Variants in TTLL8 observed in about 807,000 individuals in gnomAD.
TTLL8 encodes tubulin tyrosine ligase like 8.
In TTLL8, 65 loss-of-function variants were observed where a neutral mutation model predicts 77.8. That is an observed-to-expected ratio of 0.84 (90% CI 0.68 to 1.03). TTLL8 has a LOEUF of 1.03. Ranked by LOEUF, TTLL8 falls within the 50% of genes least tolerant of loss-of-function variation. The pLI is 0.00. For synonymous variants in TTLL8, 402 were observed against 422.8 expected (o/e 0.95, Z 0.60); for missense variants, 910 against 1,004.5 (o/e 0.91, Z 1.27).
At chr22:50,056,335 A>G (rs2061470535), upstream of TTLL8, among the ~76,000 whole-genome samples, 1 of 151,764 alleles carries the variant, frequency 6.6e-6, no homozygotes, top group Non-Finnish European at 1.5e-5. The surrounding 1 kb of genome is among the most constrained non-coding windows in gnomAD (Gnocchi z 4.1). Context: ...GCTGTCTGGA[A>G]ATGCAAATTA....
chr22:50,030,217 C>A (rs930211185), intron 12 of TTLL8: 1 of 985,366 alleles, frequency 1.0e-6, no homozygotes, highest in Non-Finnish European at 1.2e-6. Context: ...CACTCCCACG[C>A]CCCCCACCCC....
intron 12 of TTLL8, among the ~76,000 whole-genome samples, chr22:50,024,868 A>C (rs938663047): frequency 4.6e-5 from 7 of 152,242 alleles, no homozygotes; most frequent in Non-Finnish European, 8.8e-5. Flanking sequence ...CAGCTCGCAG[A>C]TAAAACTGTC....
intron 6 of TTLL8, among the ~76,000 whole-genome samples, chr22:50,043,594 G>A (rs2061389233): frequency 6.6e-6 from 1 of 151,968 alleles, no homozygotes; most frequent in Non-Finnish European, 1.5e-5. Context: ...TAGATGGATA[G>A]ATAGATAAAC....
upstream of TTLL8, among the ~76,000 whole-genome samples, chr22:50,055,541 G>C (rs1225801915): frequency 6.6e-6 from 1 of 151,900 alleles, no homozygotes; most frequent in Non-Finnish European, 1.5e-5. Flanking sequence ...TGTAATCCCA[G>C]CTACTCGGAA....
At chr22:50,052,721 A>G (rs5771133) in intron 1 of TTLL8, among the ~76,000 whole-genome samples, 32,569 of 152,174 alleles carry the variant, frequency 0.21, 4,207 homozygotes, top group East Asian at 0.51. Flanking sequence ...TCAATTCACT[A>G]GAAAGATACA....
upstream of TTLL8, among the ~76,000 whole-genome samples, chr22:50,057,356 A>G (rs867370095): frequency 0.028 from 560 of 19,882 alleles, 1 homozygote; most frequent in Middle Eastern, 0.05. Flanking sequence ...CTGGGTTGTG[A>G]GTCAGGTCTG....
chr22:50,032,924 C>T lies in TTLL8; in HGVS notation c.1283+278G>A, dbSNP rs574544760. ...GGTGCTGCCCACACCATTCCAATCC[C>T]CCTGGGCACAGGCAAAATGGTGCCT... On this transcript the variant is annotated intron_variant, in intron 10 of 13. Coordinates refer to ENST00000266182, the Ensembl canonical transcript of TTLL8. Among the ~76,000 whole-genome samples the T allele has an allele frequency of 3.9e-5, 6 of 152,350 alleles. No homozygotes were observed. The South Asian group carries it at 8.3e-4, about 21-fold the overall frequency.
chr22:50,050,033 C>A, intron 2 of TTLL8, 76 bp downstream of exon 4: 1 of 1,307,448 alleles, frequency 7.6e-7, no homozygotes, highest in Non-Finnish European at 1.0e-6. Flanking sequence ...GCACCACACT[C>A]AGGCCGGCGC....
At chr22:50,040,217 G>T (rs765828954) in intron 8 of TTLL8, among the ~76,000 whole-genome samples, 1 of 148,778 alleles carries the variant, frequency 6.7e-6, no homozygotes, top group Non-Finnish European at 1.5e-5. Context: ...GTGTCAGCAT[G>T]GATGGACCTC....
chr22:50,055,889 CA>C (rs1026599066), upstream of TTLL8, among the ~76,000 whole-genome samples: 1 of 152,098 alleles, frequency 6.6e-6, no homozygotes, highest in African/African-American at 2.4e-5. Flanking sequence ...CTGAGACCTA[CA>C]GGGCTGCATT....
intron 2 of TTLL8, 159 bp downstream of exon 4, chr22:50,049,950 C>A: frequency 1.3e-6 from 1 of 745,952 alleles, no homozygotes; most frequent in Non-Finnish European, 1.6e-6. Context: ...CCGCCTGGGG[C>A]AGGGAGGCCA....
intron 12 of TTLL8, among the ~76,000 whole-genome samples, chr22:50,021,418 CTGA>C (rs1292066374): frequency 6.7e-6 from 1 of 148,814 alleles, no homozygotes; most frequent in African/African-American, 2.5e-5. Context: ...ACTCCTCCAT[CTGA>C]TGATGTGTAC....
rs375025706 is a variant in TTLL8, at chr22:50,041,750, G to T, written c.701C>A (p.Ala234Glu). 2 of 1,365,264 alleles carry T rather than the reference G, an allele frequency of 1.5e-6. No individual in the cohort carries two copies. Among genetic ancestry groups the T allele is most frequent in the Non-Finnish European group, 2.0e-6 (2 of 1,020,992 alleles). The allele number at this position is 1,365,264 out of a possible 1,614,324, so 84.6% of individuals were successfully genotyped here. A position where few individuals can be genotyped will look rare whatever the true frequency, so the allele number is the denominator to read the frequency against. ...CAGGTAGGCCTGGCACACCTTGCAC[G>T]CGATGTCCACAAGCTGCCCCGGGAG... The change falls in exon 7 of 14, where the codon GCG (alanine) becomes GAG (glutamate). Residue 234 changes from alanine (A) to glutamate (E), a missense_variant. Transcript: ENST00000266182. This position sits in a 1 kb window ranked among gnomAD's most constrained non-coding sequence, Gnocchi z 4.3.
chr22:50,040,493 A>T (rs1349590053), intron 8 of TTLL8, among the ~76,000 whole-genome samples: 1 of 152,248 alleles, frequency 6.6e-6, no homozygotes, highest in Admixed American at 6.5e-5. Context: ...AGGAGCCAGA[A>T]TGGGTTGTGA....
At chr22:50,055,126 C>G (rs13055977), upstream of TTLL8, 1 of 1,193,544 alleles carries the variant, frequency 8.4e-7, no homozygotes, top group Non-Finnish European at 1.1e-6. Flanking sequence ...GAGGCTGCAG[C>G]TCGGGGGCAC....
chr22:50,052,819 T>C (rs1438791204), intron 1 of TTLL8, among the ~76,000 whole-genome samples: 1 of 152,178 alleles, frequency 6.6e-6, no homozygotes, highest in Non-Finnish European at 1.5e-5. Flanking sequence ...AATAGGGTAT[T>C]TTAACCTGCT....
At chr22:50,029,536 G>C (rs137896) in intron 12 of TTLL8, among the ~76,000 whole-genome samples, 43,700 of 146,626 alleles carry the variant, frequency 0.3, 6,852 homozygotes, top group Admixed American at 0.34. Flanking sequence ...GTCAGGAGGT[G>C]GAGACCATCC....
Position 50,041,424 on chromosome 22 carries a change from A to C in TTLL8, c.831-147T>G. ...AAGTATCCCAGACATCCAGACAGAC[A>C]CCACAATACTCAACAAGCATCCCAG... On this transcript the variant is annotated intron_variant, in intron 7 of 13. Transcript: ENST00000266182. This position sits in a 1 kb window ranked among gnomAD's most constrained non-coding sequence, Gnocchi z 4.3. 9.5e-7 allele frequency: 1 copy of C among 1,048,060 alleles called. No individual in the cohort carries two copies. The highest frequency in any genetic ancestry group is 1.3e-6 in the Non-Finnish European group (1 of 789,424). The allele number at this position is 1,048,060 out of a possible 1,614,324, so 64.9% of individuals were successfully genotyped here.
rs778996988 is a variant in TTLL8 at position 50,033,343 on chromosome 22, G to A, written c.1142C>T (p.Thr381Met). ...CTTGGTGTCACAGATGAGCAGCGGC[G>A]TCTCGATGTACTTCTGGACCACCCA... is the stretch of plus-strand genomic sequence containing the variant. Residue 381 changes from threonine (T) to methionine (M), a missense_variant, in exon 10 of 14, where the codon ACG becomes ATG. Physicochemically the swap from Thr to Met is moderately conservative, Grantham distance 81. Around this residue, in one of 2 missense-constraint regions of TTLL8, gnomAD observed 776 missense variants for 926.1 expected, o/e 0.84. Transcript: ENST00000266182. The A allele has an allele frequency of 1.2e-5, 17 of 1,365,180 alleles. No individual in the cohort carries two copies. In the East Asian group the frequency reaches 3.2e-4, roughly 26 times the overall value. 84.6% of individuals were successfully genotyped at this position (1,365,180 alleles called of 1,614,324 possible). A position where few individuals can be genotyped will look rare whatever the true frequency, so the allele number is the denominator to read the frequency against.
Sources: gnomAD v4.1 joint callset for allele counts (sites outside exome capture counted in the v4.1 genomes callset) on GRCh38, gnomAD v4.1.1 for gene constraint, gnomAD v4.1.1 regional missense constraint, Gnocchi (gnomAD v3.1) non-coding constraint, MANE v1.5 for transcripts, NCBI Gene and HGNC (gene_info 2026-07-23, HGNC 2026-07-21) for gene names.